The following MAST1 variants were observed in gnomAD, a reference collection of about 807,000 sequenced individuals.
MAST1 encodes the protein microtubule associated serine/threonine kinase 1, also known as microtubule-associated serine/threonine-protein kinase 1.
Under a neutral mutation model 124.6 loss-of-function variants are expected in MAST1, and 40 were observed. The ratio of observed to expected loss-of-function variants is 0.32; its 90% confidence interval spans 0.25 to 0.42. The LOEUF is 0.42. Ranked by LOEUF, MAST1 falls within the 10% of genes least tolerant of loss-of-function variation. The pLI is 1.00. For synonymous variants in MAST1, 938 were observed against 939.4 expected, an observed-to-expected ratio of 1.00 and a Z score of 0.03; for missense variants, 1,558 against 2,181.9, an observed-to-expected ratio of 0.71 and a Z score of 5.70.
intron 20 of MAST1, 62 bp downstream of exon 20, chr19:12,868,039 A>T (rs1314273647): frequency 6.1e-6 from 9 of 1,467,268 alleles, no homozygotes; most frequent in Non-Finnish European, 8.1e-6. Flanking sequence ...TCATATAGTG[A>T]GCATCCCACG....
In MAST1 at chr19:12,865,411, C is replaced by T. The variant is rs759833612; in HGVS notation, c.1734C>T (p.Tyr578=). The change falls in exon 15 of 26, where the codon TAC becomes TAT. Residue 578 remains tyrosine, a synonymous_variant. Transcript: ENST00000251472. This position sits in a 1 kb window ranked among gnomAD's most constrained non-coding sequence, Gnocchi z 7.1. ...VDWWAMGIIL[Y]EFLVGCVPFF... is the part of the protein sequence containing the mutation. The stretch of plus-strand genomic sequence containing the variant: ...GGTGGGCTATGGGGATCATCCTCTA[C>T]GAGTTCCTGGTGGGCTGTGTGCCCT... 3 of 1,611,938 alleles carry T rather than the reference C, an allele frequency of 1.9e-6. No homozygotes were observed. Among genetic ancestry groups the T allele is most frequent in the Non-Finnish European group, 2.5e-6 (3 of 1,178,970 alleles).
In MAST1 at chr19:12,847,801, G is replaced by C. The variant is rs748708850; in HGVS notation, c.565-47G>C. ...TGCGCAGCGCAGGCTCCTGGCGGCC[G>C]CAGCCTTCGGGCACAGCCCCGCGCC... is the stretch of plus-strand genomic sequence containing the variant. On this transcript the variant is annotated intron_variant, in intron 6 of 25. Coordinates refer to ENST00000251472, the MANE Select transcript of MAST1 (RefSeq NM_014975.3). The surrounding 1 kb of genome is among the most constrained non-coding windows in gnomAD (Gnocchi z 5.5). 1 of 1,578,698 alleles carries C rather than the reference G, an allele frequency of 6.3e-7. No homozygotes were observed. The highest frequency in any genetic ancestry group is 2.3e-5 in the East Asian group (1 of 43,894).
At chr19:12,839,597 C>T (rs111973023) in intron 1 of MAST1, among the ~76,000 whole-genome samples, 3,145 of 152,280 alleles carry the variant, frequency 0.021, 51 homozygotes, top group Middle Eastern at 0.058. Context: ...AATGTGGTGA[C>T]ATGTTTGGAC....
intron 12 of MAST1, among the ~76,000 whole-genome samples, chr19:12,859,427 C>T (rs1342046983): frequency 4.6e-5 from 7 of 152,202 alleles, no homozygotes; most frequent in Admixed American, 4.6e-4. Flanking sequence ...CACTCTGTTG[C>T]TCAGGCTGGA....
intron 12 of MAST1, among the ~76,000 whole-genome samples, chr19:12,862,394 C>T (rs531629928): frequency 2.6e-5 from 4 of 152,284 alleles, no homozygotes; most frequent in Admixed American, 1.3e-4. Context: ...TGGGCTCAAG[C>T]AATCCTCCCA....
intron 12 of MAST1, among the ~76,000 whole-genome samples, chr19:12,859,593 G>A (rs866625268): frequency 4.6e-5 from 7 of 151,460 alleles, no homozygotes; most frequent in Middle Eastern, 3.4e-3. Context: ...AAGGTCAGGG[G>A]TTCAAGACCA....
chr19:12,861,717 T>TCTTTC (rs1568412312), intron 12 of MAST1, among the ~76,000 whole-genome samples: 1 of 148,964 alleles, frequency 6.7e-6, no homozygotes, highest in Non-Finnish European at 1.5e-5. Context: ...TTTCTTTCTT[T>TCTTTC]TTTGAGATAG....
intron 10 of MAST1, among the ~76,000 whole-genome samples, chr19:12,854,258 G>C (rs1170784922): frequency 6.6e-6 from 1 of 151,668 alleles, no homozygotes; most frequent in East Asian, 1.9e-4. Context: ...TGAGTAGCTG[G>C]GATTATAGGC....
chr19:12,847,884 A>G lies in MAST1; in HGVS notation c.601A>G (p.Thr201Ala). Residue 201 changes from threonine to alanine, a missense_variant, in exon 7 of 26, where the codon ACC becomes GCC. Around this residue, in one of 10 missense-constraint regions of MAST1, gnomAD observed 165 missense variants for 315.3 expected, o/e 0.52. Transcript: ENST00000251472. The surrounding 1 kb of genome is among the most constrained non-coding windows in gnomAD (Gnocchi z 5.5). The part of the protein sequence containing the change: ...AQMEEKLRDF[T>A]RAYEPDSVLP... Reference sequence around the variant, plus strand: ...GATGGAGGAGAAGCTGCGCGACTTTACCCGCGCCTACGAACCCGACAGCGT... The same window carrying G: ...GATGGAGGAGAAGCTGCGCGACTTTGCCCGCGCCTACGAACCCGACAGCGT... 1 of 1,612,342 alleles carries G rather than the reference A, an allele frequency of 6.2e-7. No individual in the cohort carries two copies. The highest frequency in any genetic ancestry group is 8.5e-7 in the Non-Finnish European group (1 of 1,179,394).
rs374886904 is a variant in MAST1, at chr19:12,867,861, C to T, written c.2450C>T (p.Ala817Val). 6.2e-7 allele frequency: 1 copy of T among 1,606,792 alleles called. No individual in the cohort carries two copies. The highest frequency in any genetic ancestry group is 8.5e-7 in the Non-Finnish European group (1 of 1,177,306). Residue 817 changes from alanine (A) to valine (V), a missense_variant, in exon 20 of 26, where the codon GCC becomes GTC. By Grantham distance (64) the Ala-to-Val change is moderately conservative (BLOSUM62 0). Around this residue, in one of 10 missense-constraint regions of MAST1, gnomAD observed 287 missense variants for 308.0 expected, o/e 0.93. Transcript: ENST00000251472. ...FSAPQEDEDE[A>V]RLRRPPRPSS... is the part of the protein sequence containing the mutation. ...GCCCCCCAAGAGGACGAGGATGAGG[C>T]CCGGCTGCGCAGGCCTCCCCGGCCC...
At chr19:12,854,388 G>T (rs1599582614) in intron 10 of MAST1, among the ~76,000 whole-genome samples, 1 of 152,290 alleles carries the variant, frequency 6.6e-6, no homozygotes, top group Admixed American at 6.5e-5. Context: ...CTCCCAAAGT[G>T]CTGCGATTAC....
At position 12,866,762 on chromosome 19, in the gene MAST1, G is replaced by A; in HGVS notation, c.2139G>A (p.Lys713=). 1.2e-6 allele frequency: 2 copies of A among 1,612,156 alleles called. No individual in the cohort carries two copies. Among genetic ancestry groups the A allele is most frequent in the Non-Finnish European group, 1.7e-6 (2 of 1,179,084 alleles). ...CTTCCTGCTCTCCGCGCTTCAGCAA[G>A]GTGGGCCAAGTCTGGGTGTGGGACA... The part of the protein sequence containing the change: ...QFSSCSPRFS[K]VYSSMEQLSQ... Residue 713 remains lysine (K), a splice_region_variant and synonymous_variant, in exon 18 of 26, where the codon AAG becomes AAA. Transcript: ENST00000251472. This position sits in a 1 kb window ranked among gnomAD's most constrained non-coding sequence, Gnocchi z 5.2.
chr19:12,854,080 A>C (rs1200390200), intron 10 of MAST1, among the ~76,000 whole-genome samples: 2 of 148,920 alleles, frequency 1.3e-5, no homozygotes, highest in African/African-American at 5.0e-5. Flanking sequence ...GGCAACCACT[A>C]ATCTATTTTC....
chr19:12,848,940 A>G (rs1288205116), intron 7 of MAST1: 7 of 152,266 alleles, frequency 4.6e-5, no homozygotes, highest in African/African-American at 1.7e-4. Context: ...TCTGAGCAAC[A>G]AGAGTGAAAC....
At chr19:12,839,834 G>A (rs1264485575) in intron 1 of MAST1, among the ~76,000 whole-genome samples, 2 of 152,102 alleles carry the variant, frequency 1.3e-5, no homozygotes, top group East Asian at 3.8e-4. Context: ...GATTGCTTGA[G>A]CCCAGGAGTT....
At position 12,841,203 on chromosome 19, in the gene MAST1, G is replaced by A. The variant is rs1386189234; in HGVS notation, c.248+137G>A. 4.7e-5 allele frequency: 29 copies of A among 614,192 alleles called. No homozygotes were observed. Among genetic ancestry groups the A allele is most frequent in the East Asian group, 4.3e-4 (15 of 34,746 alleles). The allele number at this position is 614,192 out of a possible 1,614,324, so 38.0% of individuals were successfully genotyped here. ...CCAGCGAGTGCCCCAAGGTCTCAGC[G>A]GGAAGGAGCGCCTAGCCTTCGGGGC... is the stretch of plus-strand genomic sequence containing the variant. On this transcript the variant is annotated intron_variant, in intron 3 of 25. Coordinates refer to ENST00000251472, the MANE Select transcript of MAST1 (RefSeq NM_014975.3). The surrounding 1 kb of genome is among the most constrained non-coding windows in gnomAD (Gnocchi z 4.3).
intron 12 of MAST1, among the ~76,000 whole-genome samples, chr19:12,864,324 G>T (rs1970122422): frequency 2.0e-5 from 3 of 151,232 alleles, no homozygotes; most frequent in Admixed American, 1.3e-4. Context: ...GAGCTGGGAG[G>T]TTGAGGATGC....
chr19:12,865,679 C>A lies in MAST1; in HGVS notation c.1805-38C>A. On this transcript the variant is annotated intron_variant, in intron 15 of 25. Transcript: ENST00000251472. This position sits in a 1 kb window ranked among gnomAD's most constrained non-coding sequence, Gnocchi z 7.1. Reference sequence around the variant, plus strand: ...AGATCCTGTGTCCAAACAACAACAACAACAAAAACCGCCCCTAAGTTCCGT... The same window carrying A: ...AGATCCTGTGTCCAAACAACAACAAAAACAAAAACCGCCCCTAAGTTCCGT... 6.4e-7 allele frequency: 1 copy of A among 1,556,518 alleles called. No individual in the cohort carries two copies.
rs1435236445 is a variant in MAST1, at chr19:12,843,355, GCCTGGAAGAGT to G, written c.249-171_249-161del. ...ATCCTCCCTCCAATTCCCGGTGCCTGCCTGGAAGAGTCCCTCTTTATCCCCTTGATTCTGAG... is the reference window on the plus strand; with the variant it reads ...ATCCTCCCTCCAATTCCCGGTGCCTGCCCTCTTTATCCCCTTGATTCTGAG... On this transcript the variant is annotated intron_variant, in intron 3 of 25. Coordinates refer to ENST00000251472, the MANE Select transcript of MAST1 (RefSeq NM_014975.3). The surrounding 1 kb of genome is among the most constrained non-coding windows in gnomAD (Gnocchi z 4.9). Among the ~76,000 whole-genome samples the G allele has an allele frequency of 6.6e-6, 1 of 152,082 alleles. No individual in the cohort carries two copies. Among genetic ancestry groups the G allele is most frequent in the African/African-American group, 2.4e-5 (1 of 41,394 alleles).
Sources: gnomAD v4.1 joint callset for allele counts (sites outside exome capture counted in the v4.1 genomes callset) on GRCh38, gnomAD v4.1.1 for gene constraint, gnomAD v4.1.1 regional missense constraint, Gnocchi (gnomAD v3.1) non-coding constraint, MANE v1.5 for transcripts, NCBI Gene and HGNC (gene_info 2026-07-23, HGNC 2026-07-21) for gene names.